The following MPP7 variants were observed in gnomAD, a reference collection of about 807,000 sequenced individuals.
MPP7 encodes the protein MAGUK p55 subfamily member 7.
Under a neutral mutation model 76.5 loss-of-function variants are expected in MPP7, and 60 were observed. The observed-to-expected ratio is 0.78, with a 90% confidence interval of 0.64 to 0.97. MPP7 has a LOEUF of 0.97. MPP7 is among the 50% of genes least tolerant of loss of function. MPP7 has a pLI of 0.00. For synonymous variants in MPP7, 237 were observed against 244.5 expected (o/e 0.97, Z 0.29); for missense variants, 641 against 694.0 (o/e 0.92, Z 0.86).
At chr10:28,254,440 A>G (rs567729101) in intron 1 of MPP7, among the ~76,000 whole-genome samples, 6 of 152,192 alleles carry the variant, frequency 3.9e-5, no homozygotes, top group Non-Finnish European at 8.8e-5. Context: ...TGAAGTACTA[A>G]TTTGCCAAAA....
At chr10:28,272,811 T>G (rs1840367900) in intron 1 of MPP7, among the ~76,000 whole-genome samples, 1 of 152,226 alleles carries the variant, frequency 6.6e-6, no homozygotes, top group African/African-American at 2.4e-5. Flanking sequence ...TTTTTTAAAT[T>G]TAATACACTT....
At chr10:28,314,774 G>C (rs1841309226) in intron 2 of MPP7, among the ~76,000 whole-genome samples, 1 of 152,170 alleles carries the variant, frequency 6.6e-6, no homozygotes, top group Non-Finnish European at 1.5e-5. Context: ...TGAGCACAAA[G>C]TTTGTAGAAA....
intron 1 of MPP7, among the ~76,000 whole-genome samples, chr10:28,255,572 G>A (rs1839758803): frequency 6.6e-6 from 1 of 151,924 alleles, no homozygotes; most frequent in South Asian, 2.1e-4. Flanking sequence ...GTGCCACCAT[G>A]CTCAGCTAAT....
chr10:28,202,744 C>T (rs996756454), intron 2 of MPP7: 5 of 151,954 alleles, frequency 3.3e-5, no homozygotes, highest in African/African-American at 1.2e-4. Flanking sequence ...TTCAAAAATA[C>T]TTGCATTATC....
At chr10:28,196,021 A>G (rs1486040905) in intron 3 of MPP7, among the ~76,000 whole-genome samples, 1 of 152,328 alleles carries the variant, frequency 6.6e-6, no homozygotes, top group East Asian at 1.9e-4. Context: ...GAGCTGTCAG[A>G]TTTCAGTAAT....
chr10:28,129,021 A>G (rs1835108985), intron 6 of MPP7, among the ~76,000 whole-genome samples: 1 of 152,174 alleles, frequency 6.6e-6, no homozygotes, highest in Admixed American at 6.5e-5. Context: ...ACAGACTTGA[A>G]GAATAATCTC....
At chr10:28,088,441 C>T (rs1179765921) in intron 12 of MPP7, among the ~76,000 whole-genome samples, 2 of 152,052 alleles carry the variant, frequency 1.3e-5, no homozygotes, top group Non-Finnish European at 2.9e-5. Context: ...TGGCACGTCC[C>T]CTGTCGCTCT....
intron 2 of MPP7, among the ~76,000 whole-genome samples, chr10:28,205,661 C>T (rs949819709): frequency 6.6e-6 from 1 of 152,126 alleles, no homozygotes; most frequent in African/African-American, 2.4e-5. Context: ...CAAGCACAGA[C>T]AGGTCTATTC....
At chr10:28,066,749 A>G (rs1329139178) in intron 13 of MPP7, among the ~76,000 whole-genome samples, 1 of 152,212 alleles carries the variant, frequency 6.6e-6, no homozygotes, top group Non-Finnish European at 1.5e-5. Context: ...TTGCAATTAT[A>G]AAAATGAAAT....
intron 1 of MPP7, among the ~76,000 whole-genome samples, chr10:28,244,748 G>A (rs1271180307): frequency 6.6e-6 from 1 of 152,152 alleles, no homozygotes; most frequent in Non-Finnish European, 1.5e-5. Flanking sequence ...AGGCTGCTAG[G>A]AAAGTCTGCC....
At chr10:28,105,391 G>A (rs1190316140) in intron 11 of MPP7, among the ~76,000 whole-genome samples, 2 of 152,150 alleles carry the variant, frequency 1.3e-5, no homozygotes, top group African/African-American at 2.4e-5. Context: ...CAACTGTTAG[G>A]AGAATGGTAA....
intron 3 of MPP7, among the ~76,000 whole-genome samples, chr10:28,150,747 T>A (rs193225184): frequency 6.6e-6 from 1 of 151,892 alleles, no homozygotes; most frequent in African/African-American, 2.4e-5. Flanking sequence ...AAAATAATTA[T>A]AATAATAAAT....
At chr10:28,294,133 C>G (rs1336363019) in intron 1 of MPP7, among the ~76,000 whole-genome samples, 3 of 152,278 alleles carry the variant, frequency 2.0e-5, no homozygotes, top group Middle Eastern at 6.8e-3. Context: ...CAGTGAAACC[C>G]TGTCTCTACT....
intron 1 of MPP7, among the ~76,000 whole-genome samples, chr10:28,296,648 T>C (rs979772229): frequency 3.3e-5 from 5 of 152,154 alleles, no homozygotes; most frequent in South Asian, 2.1e-4. Context: ...GCCTGACAAA[T>C]AGCTCCTAAA....
intron 1 of MPP7, among the ~76,000 whole-genome samples, chr10:28,269,664 C>G (rs1230656625): frequency 1.3e-5 from 2 of 151,550 alleles, no homozygotes; most frequent in Non-Finnish European, 2.9e-5. Flanking sequence ...GTAGCTGGGA[C>G]TAGAGGCACG....
At chr10:28,056,237 ACT>A (rs1851549706) in intron 16 of MPP7, among the ~76,000 whole-genome samples, 1 of 151,548 alleles carries the variant, frequency 6.6e-6, no homozygotes, top group African/African-American at 2.4e-5. Flanking sequence ...AGCTCACTAC[ACT>A]CTCAGTCTCC....
chr10:28,291,273 T>A (rs899400257), intron 1 of MPP7, among the ~76,000 whole-genome samples: 1 of 152,172 alleles, frequency 6.6e-6, no homozygotes, highest in African/African-American at 2.4e-5. Context: ...AAGTAGCTCC[T>A]TTGGATAGGA....
At chr10:28,279,627 C>T (rs1300749175) in intron 1 of MPP7, among the ~76,000 whole-genome samples, 2 of 151,728 alleles carry the variant, frequency 1.3e-5, no homozygotes, top group Non-Finnish European at 2.9e-5. Flanking sequence ...ATCACTTGAA[C>T]CCAGGATGTG....
At chr10:28,300,831 C>G (rs923808571) in intron 1 of MPP7, among the ~76,000 whole-genome samples, 2 of 151,412 alleles carry the variant, frequency 1.3e-5, no homozygotes, top group African/African-American at 2.4e-5. Flanking sequence ...TGGTGGCATG[C>G]GCCTGTAGTC....
Sources: gnomAD v4.1 joint callset for allele counts (sites outside exome capture counted in the v4.1 genomes callset) on GRCh38, gnomAD v4.1.1 for gene constraint, MANE v1.5 for transcripts, NCBI Gene and HGNC (gene_info 2026-07-23, HGNC 2026-07-21) for gene names.